The following EPHA8 variants were observed in gnomAD, a reference collection of about 807,000 sequenced individuals.
EPHA8 encodes ephrin type-A receptor 8.
EPHA8 carries 58 observed loss-of-function variants against 103.6 expected under a neutral mutation model. The ratio of observed to expected loss-of-function variants is 0.56; its 90% confidence interval spans 0.45 to 0.70. EPHA8 has a LOEUF of 0.70. Among genes scored for constraint, EPHA8 ranks in the 30% least tolerant of loss-of-function variants. The pLI is 0.00. For missense variants in EPHA8, 1,304 were observed against 1,395.2 expected (o/e 0.93, Z 1.04); for synonymous variants, 559 against 572.5 (o/e 0.98, Z 0.34).
chr1:22,578,884 C>A (rs1019054269), intron 3 of EPHA8, among the ~76,000 whole-genome samples: 7 of 135,154 alleles, frequency 5.2e-5, no homozygotes, highest in African/African-American at 2.1e-4. Context: ...TCCGTGTGTC[C>A]GTGTGTGCAT....
chr1:22,597,233 AC>A lies in EPHA8; in HGVS notation c.1766-76del. On this transcript the variant is annotated intron_variant, in intron 9 of 16. Transcript: ENST00000166244. This position sits in a 1 kb window ranked among gnomAD's most constrained non-coding sequence, Gnocchi z 4.6. ...AGAGACACCCCTCACCCCACCCCAG[AC>A]CCATCCCAGGCCCAGGGAATGTCAG... The A allele has an allele frequency of 8.1e-7, 1 of 1,234,390 alleles. No individual in the cohort carries two copies. The highest frequency in any genetic ancestry group is 2.1e-5 in the Admixed American group (1 of 47,094). 76.5% of individuals were successfully genotyped at this position (1,234,390 alleles called of 1,614,324 possible).
intron 7 of EPHA8, among the ~76,000 whole-genome samples, chr1:22,594,779 A>G (rs1641471430): frequency 6.6e-6 from 1 of 152,250 alleles, no homozygotes; most frequent in East Asian, 1.9e-4. Context: ...CCTCAAGTCA[A>G]TTCCTCGAGT....
At chr1:22,577,800 AAG>A (rs1352700172) in intron 3 of EPHA8, among the ~76,000 whole-genome samples, 18 of 111,744 alleles carry the variant, frequency 1.6e-4, no homozygotes, top group African/African-American at 6.2e-4. Flanking sequence ...GTGTGTGCGT[AAG>A]TGTATGTGTG....
intron 3 of EPHA8, among the ~76,000 whole-genome samples, chr1:22,583,975 T>G (rs1312590303): frequency 2.0e-5 from 3 of 152,180 alleles, no homozygotes; most frequent in African/African-American, 7.2e-5. Flanking sequence ...CTTACTTCTC[T>G]TGGGTCCATA....
At position 22,598,491 on chromosome 1, in the gene EPHA8, G is replaced by A. The variant is rs985785520; in HGVS notation, c.2178+279G>A. Among the ~76,000 whole-genome samples the A allele has an allele frequency of 6.6e-6, 1 of 152,198 alleles. No homozygotes were observed. The highest frequency in any genetic ancestry group is 2.4e-5 in the African/African-American group (1 of 41,458). On this transcript the variant is annotated intron_variant, in intron 12 of 16. Transcript: ENST00000166244. The surrounding 1 kb of genome is among the most constrained non-coding windows in gnomAD (Gnocchi z 5.1). ...GGAATCCAGGCCCCACCCAGCTGGG[G>A]GGCATGCTGGCTGTGGTGGAGACGG...
chr1:22,579,375 G>T (rs1287857997), intron 3 of EPHA8, among the ~76,000 whole-genome samples: 1 of 150,612 alleles, frequency 6.6e-6, no homozygotes, highest in Non-Finnish European at 1.5e-5. Flanking sequence ...GTGTGCATGA[G>T]TGTATGTGTG....
At chr1:22,586,071 G>C (rs1317845879) in intron 3 of EPHA8, among the ~76,000 whole-genome samples, 1 of 152,168 alleles carries the variant, frequency 6.6e-6, no homozygotes, top group Non-Finnish European at 1.5e-5. Flanking sequence ...CATGGCCCTG[G>C]CCCCTAGGCT....
Position 22,589,534 on chromosome 1 carries a change from T to G in EPHA8, c.1315+328T>G. ...ATAATAGTACCTGCCTGAGGTCCTCTCAGGAGGCTTAAATGAGAGGAATGA... is the reference window on the plus strand; with the variant it reads ...ATAATAGTACCTGCCTGAGGTCCTCGCAGGAGGCTTAAATGAGAGGAATGA... On this transcript the variant is annotated intron_variant, in intron 5 of 16. Transcript: ENST00000166244. This position sits in a 1 kb window ranked among gnomAD's most constrained non-coding sequence, Gnocchi z 4.3. 7.2e-7 allele frequency: 1 copy of G among 1,380,326 alleles called. No individual in the cohort carries two copies. The highest frequency in any genetic ancestry group is 2.6e-5 in the East Asian group (1 of 38,008). 85.5% of individuals were successfully genotyped at this position (1,380,326 alleles called of 1,614,324 possible). A position where few individuals can be genotyped will look rare whatever the true frequency, so the allele number is the denominator to read the frequency against.
At chr1:22,596,904 C>T (rs1234492685) in intron 9 of EPHA8, among the ~76,000 whole-genome samples, 2 of 152,130 alleles carry the variant, frequency 1.3e-5, no homozygotes, top group Non-Finnish European at 2.9e-5. Context: ...GTGATCCGCC[C>T]GCCTCGGCCT....
At chr1:22,594,685 G>A (rs192343589) in intron 7 of EPHA8, among the ~76,000 whole-genome samples, 6 of 152,324 alleles carry the variant, frequency 3.9e-5, no homozygotes, top group Admixed American at 1.3e-4. Context: ...GGGCGTCTGA[G>A]TGCCTCCAGT....
At chr1:22,586,781 G>GA in intron 4 of EPHA8, 146 bp downstream of exon 4, 5 of 898,674 alleles carry the variant, frequency 5.6e-6, no homozygotes, top group African/African-American at 2.2e-5. Flanking sequence ...AGTCTGAGGT[G>GA]GGGGGGGTGA....
At chr1:22,601,528 C>G (rs1374209369) in intron 16 of EPHA8, 55 bp downstream of exon 16, 9 of 1,602,954 alleles carry the variant, frequency 5.6e-6, no homozygotes, top group Non-Finnish European at 6.0e-6. Flanking sequence ...GGGGGGGACC[C>G]CTGCCGGGGA....
At chr1:22,578,168 ATGTG>A (rs879393742) in intron 3 of EPHA8, among the ~76,000 whole-genome samples, 2 of 38,968 alleles carry the variant, frequency 5.1e-5, no homozygotes, top group South Asian at 1.1e-3. Flanking sequence ...GCATGAGTGT[ATGTG>A]TGCATGTGTG....
rs749928938 is a variant in EPHA8 at position 22,597,488 on chromosome 1, G to A, written c.1930+12G>A. 9.8e-5 allele frequency: 158 copies of A among 1,610,244 alleles called. No individual in the cohort carries two copies. The highest frequency in any genetic ancestry group is 1.3e-4 in the Non-Finnish European group (152 of 1,178,190). The stretch of plus-strand genomic sequence containing the variant: ...AATCATCGGCTCTGGTGAGTCTCAG[G>A]GGTTGTGAGGGCGGGGCCAGCATGG... On this transcript the variant is annotated intron_variant, in intron 10 of 16. Transcript: ENST00000166244. The surrounding 1 kb of genome is among the most constrained non-coding windows in gnomAD (Gnocchi z 4.6).
chr1:22,581,861 C>T (rs1402765318), intron 3 of EPHA8, among the ~76,000 whole-genome samples: 1 of 152,218 alleles, frequency 6.6e-6, no homozygotes, highest in Non-Finnish European at 1.5e-5. Flanking sequence ...CGTTTTAAGT[C>T]GCACAAGGAA....
rs760602599 is a variant in EPHA8 at position 22,569,381 on chromosome 1, C to T, written c.159+28C>T. 6.4e-7 allele frequency: 1 copy of T among 1,560,960 alleles called. No individual in the cohort carries two copies. The highest frequency in any genetic ancestry group is 1.2e-5 in the South Asian group (1 of 81,226). ...GAGTGATGGGCACTGGGGACAACGT[C>T]ATCCCTCTGTGAGCAGAGAGAGGCT... On this transcript the variant is annotated intron_variant, in intron 2 of 16. Coordinates refer to ENST00000166244, the MANE Select transcript of EPHA8 (RefSeq NM_020526.5). This position sits in a 1 kb window ranked among gnomAD's most constrained non-coding sequence, Gnocchi z 4.5.
At position 22,563,999 on chromosome 1, in the gene EPHA8, A is replaced by C. The variant is rs1300092079; in HGVS notation, c.94+270A>C. On this transcript the variant is annotated intron_variant, in intron 1 of 16. Transcript: ENST00000166244. The surrounding 1 kb of genome is among the most constrained non-coding windows in gnomAD (Gnocchi z 4.4). ...CAGGAGACAGGACTGAGGGATGTGC[A>C]GCTGGGGACAGAATACTGAGGGTCG... is the stretch of plus-strand genomic sequence containing the variant. Among the ~76,000 whole-genome samples the C allele has an allele frequency of 9.2e-5, 14 of 152,118 alleles. No individual in the cohort carries two copies. The East Asian group carries it at 2.5e-3, about 27-fold the overall frequency.
chr1:22,582,342 C>G (rs1488331141), intron 3 of EPHA8, among the ~76,000 whole-genome samples: 1 of 152,178 alleles, frequency 6.6e-6, no homozygotes, highest in African/African-American at 2.4e-5. Context: ...GAGCCTGAGA[C>G]CCACAGCAGG....
intron 2 of EPHA8, among the ~76,000 whole-genome samples, chr1:22,570,303 CGT>C (rs1640493512): frequency 1.4e-5 from 2 of 147,466 alleles, no homozygotes; most frequent in Non-Finnish European, 3.0e-5. Context: ...CACATGCACA[CGT>C]GTGCGTGTAC....
Sources: allele counts gnomAD v4.1 joint callset (sites outside exome capture counted in the v4.1 genomes callset), GRCh38; gene constraint gnomAD v4.1.1; non-coding constraint Gnocchi (gnomAD v3.1); transcripts MANE v1.5; gene names NCBI Gene and HGNC (gene_info 2026-07-23, HGNC 2026-07-21).